Variants in ST14 observed in about 807,000 individuals in gnomAD.
ST14 encodes the protein suppressor of tumorigenicity 14 protein.
A neutral mutation model predicts 96.5 loss-of-function variants in ST14; 40 were observed. The ratio of observed to expected loss-of-function variants is 0.41; its 90% CI spans 0.32 to 0.54. The LOEUF (loss-of-function observed/expected upper bound fraction) is 0.54, where lower values mean the gene tolerates loss of function less well. ST14 is among the 20% of genes least tolerant of loss of function. ST14 has a pLI of 0.17. For missense variants in ST14, 1,066 were observed against 1,188.9 expected, an observed-to-expected ratio of 0.90 and a Z score of 1.52; for synonymous variants, 506 against 492.1, an observed-to-expected ratio of 1.03 and a Z score of -0.37.
chr11:130,198,221 C>A, intron 12 of ST14, 87 bp from the exon 13 acceptor site: 2 of 1,297,476 alleles, frequency 1.5e-6, no homozygotes, highest in Non-Finnish European at 2.2e-6. Context: ...AGAAAGCGGT[C>A]CCCAGGTAGC....
At chr11:130,164,530 T>C (rs1205430037) in intron 1 of ST14, among the ~76,000 whole-genome samples, 2 of 151,562 alleles carry the variant, frequency 1.3e-5, no homozygotes, top group African/African-American at 4.8e-5. Flanking sequence ...GCAATCCTCC[T>C]GCCTCAGCTT....
At chr11:130,197,767 C>A in intron 11 of ST14, 74 bp from the exon 12 acceptor site, 1 of 1,329,706 alleles carries the variant, frequency 7.5e-7, no homozygotes, top group Non-Finnish European at 1.0e-6. Flanking sequence ...GAGGTTGGCC[C>A]GAGGGAGGGA....
rs7951886 is a variant in ST14 at position 130,191,452 on chromosome 11, G to A, written c.875+758G>A. On this transcript the variant is annotated intron_variant, in intron 7 of 18. Coordinates refer to ENST00000278742, the MANE Select transcript of ST14 (RefSeq NM_021978.4). ...CGCCTGTAAGCCCAGCACTTTGGGAGGCCAAGGCGGCTGGATCACTTGCGG... is the reference window on the plus strand; with the variant it reads ...CGCCTGTAAGCCCAGCACTTTGGGAAGCCAAGGCGGCTGGATCACTTGCGG... 9.3e-3 allele frequency among the ~76,000 whole-genome samples: 1,423 copies of A among 152,272 alleles called. 25 individuals carry two copies. The highest frequency in any genetic ancestry group is 0.032 in the African/African-American group (1,334 of 41,546).
intron 1 of ST14, among the ~76,000 whole-genome samples, chr11:130,173,238 A>T (rs1953108958): frequency 6.6e-6 from 1 of 152,138 alleles, no homozygotes; most frequent in Non-Finnish European, 1.5e-5. Flanking sequence ...CATCTGCCAA[A>T]AGCCAGGCAG....
intron 16 of ST14, among the ~76,000 whole-genome samples, chr11:130,204,728 C>G (rs937729299): frequency 6.6e-6 from 1 of 152,106 alleles, no homozygotes; most frequent in East Asian, 1.9e-4. Flanking sequence ...GTGGGAGGAT[C>G]GCTTGAGTCT....
intron 17 of ST14, 86 bp downstream of exon 17, chr11:130,208,770 G>T: frequency 2.7e-6 from 4 of 1,473,060 alleles, no homozygotes; most frequent in Non-Finnish European, 3.6e-6. Context: ...CGGTCTCGGG[G>T]CGGGGGGCTG....
chr11:130,164,561 G>T (rs139210697), intron 1 of ST14, among the ~76,000 whole-genome samples: 3 of 151,750 alleles, frequency 2.0e-5, no homozygotes, highest in Non-Finnish European at 2.9e-5. Flanking sequence ...TGGGACTACA[G>T]GTGGGCACCA....
chr11:130,174,543 C>T (rs1410792417), intron 1 of ST14, among the ~76,000 whole-genome samples: 1 of 152,016 alleles, frequency 6.6e-6, no homozygotes, highest in Non-Finnish European at 1.5e-5. Context: ...CAGTTATTAC[C>T]AACTCCCCGT....
intron 16 of ST14, among the ~76,000 whole-genome samples, chr11:130,201,359 C>G (rs1167806397): frequency 6.6e-6 from 1 of 152,256 alleles, no homozygotes; most frequent in East Asian, 1.9e-4. Context: ...TGGCTGCACG[C>G]TTTTCCATGG....
chr11:130,188,198 G>C lies in ST14; in HGVS notation c.166G>C (p.Val56Leu). ...GGAAAAGCATGGCCCGGGGCGCTGG[G>C]TGGTGCTGGCAGCCGTGCTGATCGG... ...KVEKHGPGRW[V>L]VLAAVLIGLL... The change falls in exon 2 of 19, where the codon GTG becomes CTG. Residue 56 changes from valine to leucine, a missense_variant. Val to Leu is a conservative substitution (Grantham distance 32). Coordinates refer to ENST00000278742, the MANE Select transcript of ST14 (RefSeq NM_021978.4). This position sits in a 1 kb window ranked among gnomAD's most constrained non-coding sequence, Gnocchi z 5.4. The C allele has an allele frequency of 1.9e-6, 3 of 1,614,218 alleles. No individual in the cohort carries two copies. The highest frequency in any genetic ancestry group is 2.5e-6 in the Non-Finnish European group (3 of 1,180,038).
At chr11:130,190,372 A>AGGG in intron 6 of ST14, 82 bp from the exon 7 acceptor site, 2 of 1,589,674 alleles carry the variant, frequency 1.3e-6, no homozygotes. Context: ...CCTGAGGTCC[A>AGGG]CACCCACGGG....
At position 130,209,557 on chromosome 11, in the gene ST14, C is replaced by G. The variant is rs777729589; in HGVS notation, c.2385C>G (p.Ser795Arg). Residue 795 changes from serine to arginine, a missense_variant, in exon 18 of 19, where the codon AGC (serine) becomes AGG (arginine). Coordinates refer to ENST00000278742, the MANE Select transcript of ST14 (RefSeq NM_021978.4). Reference sequence around the variant, plus strand: ...GCATGATGTGCGTGGGCTTCCTCAGCGGCGGCGTGGACTCCTGCCAGGTGG... The same window carrying G: ...GCATGATGTGCGTGGGCTTCCTCAGGGGCGGCGTGGACTCCTGCCAGGTGG... The part of the protein sequence containing the change: ...TPRMMCVGFL[S>R]GGVDSCQGDS... 1.9e-6 allele frequency: 3 copies of G among 1,574,138 alleles called. No individual in the cohort carries two copies. Among genetic ancestry groups the G allele is most frequent in the Non-Finnish European group, 8.6e-7 (1 of 1,160,064 alleles).
chr11:130,189,033 G>A (rs1023018777), intron 4 of ST14, 94 bp downstream of exon 4: 1 of 1,377,252 alleles, frequency 7.3e-7, no homozygotes, highest in African/African-American at 1.4e-5. Flanking sequence ...GGGAGATGGT[G>A]CTGGAGGTCC....
chr11:130,165,716 C>T (rs1226259610), intron 1 of ST14, among the ~76,000 whole-genome samples: 1 of 152,086 alleles, frequency 6.6e-6, no homozygotes, highest in East Asian at 1.9e-4. Flanking sequence ...TTATTTCTAC[C>T]TTTCACTAAA....
intron 1 of ST14, among the ~76,000 whole-genome samples, chr11:130,174,248 G>A (rs1475992789): frequency 6.6e-6 from 1 of 152,222 alleles, no homozygotes; most frequent in African/African-American, 2.4e-5. Context: ...AGGTGAGGGA[G>A]GCGGTGGCCA....
rs373734230 is a variant in ST14 at position 130,199,972 on chromosome 11, C to T, written c.1829C>T (p.Thr610Met). The change falls in exon 16 of 19, where the codon ACG becomes ATG. Residue 610 changes from threonine (T) to methionine (M), a missense_variant. Physicochemically the swap from Thr to Met is moderately conservative, Grantham distance 81. Transcript: ENST00000278742. ...KDCDCGLRSF[T>M]RQARVVGGTD... ...GCAGACTGTGGGCTGCGGTCATTCA[C>T]GAGACAGGCTCGTGTTGTTGGGGGC... 226 of 1,614,192 alleles carry T rather than the reference C, an allele frequency of 1.4e-4. No homozygotes were observed. The highest frequency in any genetic ancestry group is 9.9e-4 in the Middle Eastern group (6 of 6,056).
chr11:130,208,894 C>G (rs566855357), intron 17 of ST14, among the ~76,000 whole-genome samples: 1 of 152,254 alleles, frequency 6.6e-6, no homozygotes, highest in Admixed American at 6.5e-5. Flanking sequence ...TGGCTTTGCC[C>G]CTAACTAGCT....
At position 130,200,120 on chromosome 11, in the gene ST14, C is replaced by T. The variant is rs1008112720; in HGVS notation, c.1977C>T (p.Ile659=). Residue 659 remains isoleucine (I), a synonymous_variant, in exon 16 of 19, where the codon ATC becomes ATT. Transcript: ENST00000278742. Reference sequence around the variant, plus strand: ...TGGTCTCTGCCGCACACTGCTACATCGATGACAGAGGATTCAGGTGGGTCT... The same window carrying T: ...TGGTCTCTGCCGCACACTGCTACATTGATGACAGAGGATTCAGGTGGGTCT... ...NWLVSAAHCY[I]DDRGFRYSDP... 3.7e-6 allele frequency: 6 copies of T among 1,614,064 alleles called. No homozygotes were observed. The highest frequency in any genetic ancestry group is 2.7e-5 in the African/African-American group (2 of 74,936).
intron 1 of ST14, among the ~76,000 whole-genome samples, chr11:130,183,530 G>A (rs1953213030): frequency 7.3e-6 from 1 of 136,964 alleles, no homozygotes; most frequent in African/African-American, 2.9e-5. Flanking sequence ...AACATAGCAA[G>A]ACCCTGTATC....
Sources: allele counts gnomAD v4.1 joint callset (sites outside exome capture counted in the v4.1 genomes callset), GRCh38; gene constraint gnomAD v4.1.1; non-coding constraint Gnocchi (gnomAD v3.1); transcripts MANE v1.5; gene names NCBI Gene and HGNC (gene_info 2026-07-23, HGNC 2026-07-21).